The following PTPRT variants were observed in gnomAD, a reference collection of about 807,000 sequenced individuals.
The protein encoded by PTPRT is receptor-type tyrosine-protein phosphatase T.
Under a neutral mutation model 176.8 loss-of-function variants are expected in PTPRT, and 56 were observed. That is an observed-to-expected ratio of 0.32 (90% CI 0.26 to 0.40). PTPRT has a LOEUF of 0.40. PTPRT is among the 10% of genes least tolerant of loss of function. The pLI is 1.00. For missense variants in PTPRT, 1,540 were observed against 1,908.2 expected, an observed-to-expected ratio of 0.81 and a Z score of 3.60; for synonymous variants, 783 against 739.0, an observed-to-expected ratio of 1.06 and a Z score of -0.96.
At chr20:43,069,732 G>A (rs2011155933) in intron 1 of PTPRT, among the ~76,000 whole-genome samples, 1 of 152,186 alleles carries the variant, frequency 6.6e-6, no homozygotes, top group Non-Finnish European at 1.5e-5. Context: ...CAATTCAGCT[G>A]TGAAATGGGC....
At chr20:42,280,062 T>C (rs2057113442) in intron 13 of PTPRT, among the ~76,000 whole-genome samples, 1 of 152,182 alleles carries the variant, frequency 6.6e-6, no homozygotes, top group South Asian at 2.1e-4. Context: ...AGTATCTTCC[T>C]GTGTTAAAAA....
At chr20:42,880,120 G>A (rs2078992753) in intron 2 of PTPRT, among the ~76,000 whole-genome samples, 1 of 152,112 alleles carries the variant, frequency 6.6e-6, no homozygotes, top group African/African-American at 2.4e-5. Flanking sequence ...GCCCGGGGGG[G>A]TTTGTGGGTG....
chr20:42,419,915 G>A (rs530799864), intron 9 of PTPRT, among the ~76,000 whole-genome samples: 102 of 152,304 alleles, frequency 6.7e-4, no homozygotes, highest in Non-Finnish European at 1.1e-3. Context: ...AGACAGAAGC[G>A]AGACTGGAGC....
At chr20:42,046,618 C>T in the PTPRT span, among the ~76,000 whole-genome samples, 20 of 152,294 alleles carry the variant, frequency 1.3e-4, no homozygotes, top group South Asian at 1.2e-3. Context: ...TCATTATAGG[C>T]GCCCATCAAG....
chr20:42,233,954 T>C (rs890207061), intron 15 of PTPRT, among the ~76,000 whole-genome samples: 1 of 152,178 alleles, frequency 6.6e-6, no homozygotes, highest in Admixed American at 6.5e-5. Context: ...ACACTGCTTA[T>C]CTTGGATTCC....
intron 7 of PTPRT, among the ~76,000 whole-genome samples, chr20:42,674,903 T>G (rs1218855305): frequency 6.8e-6 from 1 of 146,720 alleles, no homozygotes. Flanking sequence ...AACGCAAATT[T>G]GTTCCAACCC....
intron 7 of PTPRT, among the ~76,000 whole-genome samples, chr20:42,480,001 T>C (rs1468012879): frequency 6.6e-6 from 1 of 152,214 alleles, no homozygotes; most frequent in Non-Finnish European, 1.5e-5. Flanking sequence ...CTGGAGCATG[T>C]CACCTTGTGA....
intron 1 of PTPRT, among the ~76,000 whole-genome samples, chr20:42,986,988 C>T (rs1252863417): frequency 6.6e-6 from 1 of 152,194 alleles, no homozygotes; most frequent in African/African-American, 2.4e-5. Flanking sequence ...AACAAACACA[C>T]ACTGACTCCC....
At chr20:42,634,874 T>C (rs2074559448) in intron 7 of PTPRT, among the ~76,000 whole-genome samples, 1 of 152,142 alleles carries the variant, frequency 6.6e-6, no homozygotes, top group South Asian at 2.1e-4. Flanking sequence ...AATTTGATTA[T>C]AAAACAAACA....
chr20:43,167,499 A>G (rs892681581), intron 1 of PTPRT, among the ~76,000 whole-genome samples: 9 of 152,170 alleles, frequency 5.9e-5, no homozygotes, highest in Non-Finnish European at 8.8e-5. Flanking sequence ...AATGGCCCCA[A>G]TGATCTTCAC....
At chr20:42,148,990 C>G (rs764249767) in intron 17 of PTPRT, among the ~76,000 whole-genome samples, 2 of 152,174 alleles carry the variant, frequency 1.3e-5, no homozygotes, top group Non-Finnish European at 2.9e-5. Context: ...CAAACACAGC[C>G]CACATTCTGA....
chr20:42,786,370 G>A (rs6124493), intron 3 of PTPRT, among the ~76,000 whole-genome samples: 2 of 152,136 alleles, frequency 1.3e-5, no homozygotes, highest in Non-Finnish European at 2.9e-5. Context: ...AATGATGACA[G>A]GATACAGCTA....
At chr20:42,542,129 G>A (rs1289650490) in intron 7 of PTPRT, among the ~76,000 whole-genome samples, 2 of 152,080 alleles carry the variant, frequency 1.3e-5, no homozygotes, top group African/African-American at 4.8e-5. Flanking sequence ...CTCTTCCTCT[G>A]CCATGATTGT....
At chr20:42,168,975 C>G (rs932267213) in intron 16 of PTPRT, among the ~76,000 whole-genome samples, 6 of 152,186 alleles carry the variant, frequency 3.9e-5, no homozygotes, top group Admixed American at 3.3e-4. Context: ...GAATGCCACT[C>G]CACTGTGCCA....
chr20:42,769,168 A>G (rs1036497843), intron 5 of PTPRT, among the ~76,000 whole-genome samples: 1 of 152,236 alleles, frequency 6.6e-6, no homozygotes, highest in Non-Finnish European at 1.5e-5. Context: ...CAGAAAGAAC[A>G]GGTATTTCAC....
chr20:43,139,762 G>C (rs1307208132), intron 1 of PTPRT, among the ~76,000 whole-genome samples: 2 of 152,120 alleles, frequency 1.3e-5, no homozygotes, highest in Non-Finnish European at 1.5e-5. Flanking sequence ...GCCCCAAGTT[G>C]GTGTTCCCAA....
At chr20:42,701,011 C>T (rs1406255691) in intron 6 of PTPRT, among the ~76,000 whole-genome samples, 1 of 152,100 alleles carries the variant, frequency 6.6e-6, no homozygotes, top group Non-Finnish European at 1.5e-5. Context: ...ATTTGAAAGC[C>T]GCCACAAGGC....
At chr20:42,082,168 T>C in intron 29 of PTPRT, 151 bp from the exon 30 acceptor site, 5 of 1,174,476 alleles carry the variant, frequency 4.3e-6, no homozygotes, top group South Asian at 3.0e-5. Context: ...CCATGAGTTA[T>C]GGTTTGAGTC....
chr20:42,235,063 T>C (rs964929578), intron 15 of PTPRT, among the ~76,000 whole-genome samples: 1 of 152,158 alleles, frequency 6.6e-6, no homozygotes, highest in Non-Finnish European at 1.5e-5. Context: ...TAGCTGGATG[T>C]TCAATGAATT....
Sources: gnomAD v4.1 joint callset for allele counts (sites outside exome capture counted in the v4.1 genomes callset) on GRCh38, gnomAD v4.1.1 for gene constraint, MANE v1.5 for transcripts, NCBI Gene and HGNC (gene_info 2026-07-23, HGNC 2026-07-21) for gene names.